The following FAM78B variants were observed in gnomAD, a reference collection of about 807,000 sequenced individuals.
FAM78B encodes the protein protein FAM78B.
In FAM78B, 10 loss-of-function variants were observed where a neutral mutation model predicts 20.0. The observed-to-expected ratio is 0.50, with a 90% CI of 0.31 to 0.85. The LOEUF (loss-of-function observed/expected upper bound fraction) is 0.85. FAM78B is among the 40% of genes least tolerant of loss of function. FAM78B has a pLI of 0.05. For missense variants in FAM78B, 283 were observed against 345.0 expected, an observed-to-expected ratio of 0.82 and a Z score of 1.42; for synonymous variants, 135 against 132.8, an observed-to-expected ratio of 1.02 and a Z score of -0.12.
chr1:166,102,160 G>A (rs1319088103), intron 1 of FAM78B, among the ~76,000 whole-genome samples: 1 of 152,180 alleles, frequency 6.6e-6, no homozygotes, highest in Non-Finnish European at 1.5e-5. Flanking sequence ...AGCAAATGCT[G>A]AGAGATTTTG....
intron 1 of FAM78B, among the ~76,000 whole-genome samples, chr1:166,084,742 C>T (rs1344938308): frequency 6.6e-6 from 1 of 152,196 alleles, no homozygotes; most frequent in African/African-American, 2.4e-5. Context: ...GGGAGGACTA[C>T]AGCTCTTGAG....
intron 1 of FAM78B, among the ~76,000 whole-genome samples, chr1:166,115,570 G>A (rs921861219): frequency 3.3e-5 from 5 of 152,206 alleles, no homozygotes; most frequent in African/African-American, 4.8e-5. Context: ...TCTGTGTGCC[G>A]GGGATGTCCT....
chr1:166,085,140 G>A (rs1266994541), intron 1 of FAM78B, among the ~76,000 whole-genome samples: 1 of 152,194 alleles, frequency 6.6e-6, no homozygotes, highest in Non-Finnish European at 1.5e-5. Context: ...GTTTGGCAGT[G>A]CATCCTCATC....
chr1:166,109,574 G>C (rs749193741), intron 1 of FAM78B, among the ~76,000 whole-genome samples: 17 of 151,588 alleles, frequency 1.1e-4, no homozygotes, highest in Admixed American at 2.0e-4. Flanking sequence ...ATGTAAACTA[G>C]TACAGCCTGC....
chr1:166,166,145 T>G lies in FAM78B; in HGVS notation c.104A>C (p.Glu35Ala). ...ATIDQCPTRI[E>A]ETSPIVLRYK... ...GCGCAGGACGATGGGCGAGGTCTCC[T>G]CGATGCGCGTGGGGCACTGGTCGAT... Residue 35 changes from glutamate to alanine, a missense_variant, in exon 1 of 2, where the codon GAG becomes GCG. Coordinates refer to ENST00000354422, the MANE Select transcript of FAM78B (RefSeq NM_001017961.5). 6.2e-7 allele frequency: 1 copy of G among 1,607,266 alleles called. No individual in the cohort carries two copies. The highest frequency in any genetic ancestry group is 8.5e-7 in the Non-Finnish European group (1 of 1,176,828).
Position 166,127,400 on chromosome 1 carries a change from C to T in FAM78B, c.263+38586G>A, listed in dbSNP as rs531598962. Reference sequence around the variant, plus strand: ...GACTTTGAGCAGAAGGGTTTACCTACGACTGTGGAAGACCACCTCCCTTTT... The same window carrying T: ...GACTTTGAGCAGAAGGGTTTACCTATGACTGTGGAAGACCACCTCCCTTTT... On this transcript the variant is annotated intron_variant, in intron 1 of 1. Coordinates refer to ENST00000354422, the MANE Select transcript of FAM78B (RefSeq NM_001017961.5). 5.3e-5 allele frequency among the ~76,000 whole-genome samples: 8 copies of T among 152,304 alleles called. No individual in the cohort carries two copies. The South Asian group carries it at 6.2e-4, about 12-fold the overall frequency.
chr1:166,091,763 C>T (rs1289035573), intron 1 of FAM78B, among the ~76,000 whole-genome samples: 1 of 152,182 alleles, frequency 6.6e-6, no homozygotes, highest in Admixed American at 6.5e-5. Flanking sequence ...TTTCACAAAA[C>T]AATCCCCACA....
At chr1:166,056,881 G>A (rs1651365207), downstream of FAM78B, among the ~76,000 whole-genome samples, 1 of 152,126 alleles carries the variant, frequency 6.6e-6, no homozygotes, top group Non-Finnish European at 1.5e-5. Context: ...AACCCCCATG[G>A]TGATAGTATT....
intron 1 of FAM78B, among the ~76,000 whole-genome samples, chr1:166,161,659 T>A (rs1656152065): frequency 6.6e-6 from 1 of 152,074 alleles, no homozygotes; most frequent in Non-Finnish European, 1.5e-5. Flanking sequence ...TACACACATA[T>A]TCTGGAGATG....
chr1:166,155,439 A>G (rs1029426371), intron 1 of FAM78B, among the ~76,000 whole-genome samples: 2 of 152,212 alleles, frequency 1.3e-5, no homozygotes, highest in Non-Finnish European at 2.9e-5. Flanking sequence ...GTGCATCTAA[A>G]GCATCTGGCA....
intron 1 of FAM78B, among the ~76,000 whole-genome samples, chr1:166,098,905 A>G (rs1208817951): frequency 2.6e-5 from 4 of 152,328 alleles, no homozygotes; most frequent in Admixed American, 1.3e-4. Context: ...ACACCTGGGA[A>G]ATTCATCACG....
chr1:166,164,281 C>T (rs1349164989), intron 1 of FAM78B, among the ~76,000 whole-genome samples: 1 of 152,262 alleles, frequency 6.6e-6, no homozygotes, highest in Non-Finnish European at 1.5e-5. Context: ...CAGCAACCCA[C>T]TGCCATCAGG....
chr1:166,078,902 G>C (rs2101720504), intron 1 of FAM78B, among the ~76,000 whole-genome samples: 2 of 151,346 alleles, frequency 1.3e-5, no homozygotes, highest in South Asian at 4.2e-4. Context: ...ACCCAGGTGA[G>C]AGGAGCCCTG....
downstream of FAM78B, among the ~76,000 whole-genome samples, chr1:166,064,828 C>T (rs1394422642): frequency 2.6e-5 from 4 of 152,318 alleles, no homozygotes; most frequent in East Asian, 7.7e-4. Context: ...TCTTTCTGAT[C>T]GTGATGTTGG....
chr1:166,119,858 A>G (rs1327721933), intron 1 of FAM78B, among the ~76,000 whole-genome samples: 1 of 152,212 alleles, frequency 6.6e-6, no homozygotes, highest in Admixed American at 6.5e-5. Flanking sequence ...AGGCCCACAG[A>G]GCTTCTGCCC....
At chr1:166,102,791 C>G (rs1472315675) in intron 1 of FAM78B, among the ~76,000 whole-genome samples, 2 of 152,276 alleles carry the variant, frequency 1.3e-5, no homozygotes, top group South Asian at 2.1e-4. Context: ...CAACATTAGA[C>G]AGATCAATGA....
chr1:166,107,028 A>AAATG (rs1485253300), intron 1 of FAM78B, among the ~76,000 whole-genome samples: 1 of 152,160 alleles, frequency 6.6e-6, no homozygotes, highest in Non-Finnish European at 1.5e-5. Flanking sequence ...TCCTAGACCT[A>AAATG]AATGCCTACA....
intron 1 of FAM78B, among the ~76,000 whole-genome samples, chr1:166,089,833 G>T (rs1187158041): frequency 1.3e-5 from 2 of 152,122 alleles, no homozygotes; most frequent in African/African-American, 2.4e-5. Context: ...TCTCTCCAGG[G>T]AAAAGGGAAC....
chr1:166,094,724 G>A (rs1317245626), intron 1 of FAM78B, among the ~76,000 whole-genome samples: 1 of 152,208 alleles, frequency 6.6e-6, no homozygotes, highest in African/African-American at 2.4e-5. Context: ...ATTCTGGACG[G>A]AGCCCTGAAA....
Sources: gnomAD v4.1 joint callset for allele counts (sites outside exome capture counted in the v4.1 genomes callset) on GRCh38, gnomAD v4.1.1 for gene constraint, MANE v1.5 for transcripts, NCBI Gene and HGNC (gene_info 2026-07-23, HGNC 2026-07-21) for gene names.